Variants in LRP1B observed in about 807,000 individuals in gnomAD.
LRP1B encodes the protein low-density lipoprotein receptor-related protein 1B.
A neutral mutation model predicts 556.6 loss-of-function variants in LRP1B; 217 were observed. That is an observed-to-expected ratio of 0.39 (90% CI 0.35 to 0.44). The LOEUF is 0.44. LRP1B is among the 20% of genes least tolerant of loss of function. The pLI is 1.00. For synonymous variants in LRP1B, 2,047 were observed against 1,865.8 expected, an observed-to-expected ratio of 1.10 and a Z score of -2.50; for missense variants, 5,053 against 5,620.8, an observed-to-expected ratio of 0.90 and a Z score of 3.23.
At chr2:140,749,376 AT>A (rs70988430) in intron 35 of LRP1B, among the ~76,000 whole-genome samples, 50,971 of 149,808 alleles carry the variant, frequency 0.34, 8,618 homozygotes, top group South Asian at 0.44. Context: ...ACTTTTAAAC[AT>A]TTTTTTTTTA....
chr2:141,428,010 C>T (rs1680432438), intron 3 of LRP1B, among the ~76,000 whole-genome samples: 1 of 152,042 alleles, frequency 6.6e-6, no homozygotes, highest in African/African-American at 2.4e-5. Flanking sequence ...ACCTCCCCAC[C>T]AAAACAACAA....
chr2:141,329,214 C>T (rs539119617), intron 3 of LRP1B, among the ~76,000 whole-genome samples: 1 of 151,368 alleles, frequency 6.6e-6, no homozygotes, highest in South Asian at 2.1e-4. Flanking sequence ...ATGGTGAAAC[C>T]CTGTCTCCAC....
At chr2:141,570,751 C>T (rs1356665264) in intron 2 of LRP1B, among the ~76,000 whole-genome samples, 4 of 151,412 alleles carry the variant, frequency 2.6e-5, no homozygotes, top group Admixed American at 2.0e-4. Flanking sequence ...TGTATCAAGA[C>T]TTCTCCCCAC....
At chr2:141,321,548 A>C (rs892811572) in intron 3 of LRP1B, among the ~76,000 whole-genome samples, 1 of 152,076 alleles carries the variant, frequency 6.6e-6, no homozygotes, top group Admixed American at 6.6e-5. Context: ...CCTATTACTG[A>C]GTCAACATCT....
At chr2:140,247,037 G>T (rs1681194989) in intron 87 of LRP1B, 49 bp downstream of exon 87, 3 of 1,311,626 alleles carry the variant, frequency 2.3e-6, no homozygotes, top group East Asian at 2.3e-5. Flanking sequence ...ACATAACAAT[G>T]ATTTATATAC....
At chr2:141,935,936 T>C (rs2105004261) in intron 1 of LRP1B, among the ~76,000 whole-genome samples, 1 of 152,278 alleles carries the variant, frequency 6.6e-6, no homozygotes, top group African/African-American at 2.4e-5. Context: ...GTAATTAATA[T>C]ACTTTACTAC....
chr2:140,801,469 T>C (rs1247847013), intron 32 of LRP1B, among the ~76,000 whole-genome samples: 1 of 152,004 alleles, frequency 6.6e-6, no homozygotes, highest in East Asian at 1.9e-4. Context: ...GAGAACAAAA[T>C]GAGAGGAAGA....
intron 88 of LRP1B, among the ~76,000 whole-genome samples, 155 bp from the exon 89 acceptor site, chr2:140,238,451 A>G (rs987358672): frequency 1.3e-5 from 2 of 151,042 alleles, no homozygotes; most frequent in Non-Finnish European, 3.0e-5. Flanking sequence ...GTACATTGAT[A>G]GGCTGTTTTC....
At position 141,284,731 on chromosome 2, in the gene LRP1B, C is replaced by T. The variant is rs76778531; in HGVS notation, c.344-30090G>A. On this transcript the variant is annotated intron_variant, in intron 3 of 90. Transcript: ENST00000389484. ...CAACATTTGTGAAAAGACTTTTTTC[C>T]ACCTTGGCTTGTTTTGGAACACTTG... Among the ~76,000 whole-genome samples the T allele has an allele frequency of 1.6e-3, 241 of 152,174 alleles. 1 individual carries two copies. The highest frequency in any genetic ancestry group is 5.3e-3 in the African/African-American group (221 of 41,518).
rs569526593 is a variant in LRP1B at position 141,420,161 on chromosome 2, T to C, written c.343+60235A>G. 2.0e-5 allele frequency among the ~76,000 whole-genome samples: 3 copies of C among 152,352 alleles called. 1 individual carries two copies. In the South Asian group the frequency reaches 6.2e-4, roughly 32 times the overall value. On this transcript the variant is annotated intron_variant, in intron 3 of 90. Coordinates refer to ENST00000389484, the MANE Select transcript of LRP1B (RefSeq NM_018557.3). ...ACTATTTCTCCTTTCAGTTATGCCATTGTACACTTCAAATATTTGGGTGCT... is the reference window on the plus strand; with the variant it reads ...ACTATTTCTCCTTTCAGTTATGCCACTGTACACTTCAAATATTTGGGTGCT...
intron 25 of LRP1B, among the ~76,000 whole-genome samples, chr2:140,879,749 G>A (rs1272779910): frequency 6.6e-6 from 1 of 151,958 alleles, no homozygotes; most frequent in Non-Finnish European, 1.5e-5. Flanking sequence ...CTTATAGGAT[G>A]TATGGAAATG....
At chr2:141,789,124 G>T (rs1358228246) in intron 2 of LRP1B, among the ~76,000 whole-genome samples, 1 of 151,872 alleles carries the variant, frequency 6.6e-6, no homozygotes, top group Admixed American at 6.6e-5. Context: ...CTTCCACAAT[G>T]GTTGAACTAG....
rs1441860319 is a variant in LRP1B at position 140,836,783 on chromosome 2, T to C, written c.5209+3208A>G. Among the ~76,000 whole-genome samples, 5 of 152,318 alleles carry C rather than the reference T, an allele frequency of 3.3e-5. No individual in the cohort carries two copies. The East Asian group carries it at 9.6e-4, about 29-fold the overall frequency. On this transcript the variant is annotated intron_variant, in intron 31 of 90. Transcript: ENST00000389484. ...AAAAAAAAAGTATTGCATTTATATA[T>C]GGACAACACAGCTTTTCATTACGCA...
chr2:140,889,837 T>G (rs1011402719), intron 23 of LRP1B, among the ~76,000 whole-genome samples: 4 of 152,326 alleles, frequency 2.6e-5, no homozygotes, highest in Admixed American at 2.0e-4. Context: ...GTAGTTTGTA[T>G]TTCTACAACT....
At chr2:142,035,649 G>A (rs983581180) in intron 1 of LRP1B, among the ~76,000 whole-genome samples, 2 of 151,584 alleles carry the variant, frequency 1.3e-5, no homozygotes, top group East Asian at 3.9e-4. Flanking sequence ...GGAAGGTCTA[G>A]TTTAACAACA....
intron 7 of LRP1B, among the ~76,000 whole-genome samples, chr2:141,074,571 C>CTG (rs772896108): frequency 0.055 from 5,310 of 96,826 alleles, 134 homozygotes; most frequent in Non-Finnish European, 0.067. Context: ...GTCTCTCTGT[C>CTG]TCTCTCTCTC....
At chr2:140,822,668 C>T (rs1017191774) in intron 31 of LRP1B, among the ~76,000 whole-genome samples, 13 of 152,196 alleles carry the variant, frequency 8.5e-5, no homozygotes, top group African/African-American at 3.1e-4. Flanking sequence ...ACTGGGTCCA[C>T]ATTTCTTAGG....
At chr2:142,126,512 T>C (rs1298917781) in intron 1 of LRP1B, among the ~76,000 whole-genome samples, 1 of 151,886 alleles carries the variant, frequency 6.6e-6, no homozygotes, top group African/African-American at 2.4e-5. Flanking sequence ...TGACGAATGA[T>C]ATCATGTTGG....
intron 43 of LRP1B, among the ~76,000 whole-genome samples, chr2:140,592,765 C>T (rs1682278831): frequency 6.6e-6 from 1 of 151,944 alleles, no homozygotes; most frequent in Admixed American, 6.6e-5. Context: ...GATAGAGAGA[C>T]CCCCATCACT....
Sources: gnomAD v4.1 joint callset for allele counts (sites outside exome capture counted in the v4.1 genomes callset) on GRCh38, gnomAD v4.1.1 for gene constraint, MANE v1.5 for transcripts, NCBI Gene and HGNC (gene_info 2026-07-23, HGNC 2026-07-21) for gene names.